USP6NL: variants seen among roughly 807,000 people sequenced by gnomAD.
USP6NL encodes USP6 N-terminal-like protein.
A neutral mutation model predicts 61.9 loss-of-function variants in USP6NL; 26 were observed. The ratio of observed to expected loss-of-function variants is 0.42; its 90% confidence interval spans 0.31 to 0.58. USP6NL has a LOEUF of 0.58. Among genes scored for constraint, USP6NL ranks in the 20% least tolerant of loss-of-function variants. The pLI, the probability that USP6NL is intolerant of heterozygous loss-of-function variation, is 0.16. For synonymous variants in USP6NL, 432 were observed against 390.1 expected (o/e 1.11, Z -1.27); for missense variants, 1,114 against 1,034.3 (o/e 1.08, Z -1.06).
Position 11,555,451 on chromosome 10 carries a change from T to TAGAG in USP6NL, c.5-27888_5-27885dup, listed in dbSNP as rs71477267. On this transcript the variant is annotated intron_variant, in intron 2 of 14. Transcript: ENST00000609104. ...AAAAAAAAATATATATATATATATATAGAGAGAGAGAGAGAGAGAAAGAGA... is the reference window on the plus strand; with the variant it reads ...AAAAAAAAATATATATATATATATATAGAGAGAGAGAGAGAGAGAGAGAAAGAGA... 6.3e-3 allele frequency among the ~76,000 whole-genome samples: 384 copies of TAGAG among 60,960 alleles called. 11 individuals are homozygous for TAGAG. The highest frequency in any genetic ancestry group is 0.012 in the African/African-American group (144 of 11,806). The allele number at this position is 60,960 out of a possible 152,430, so 40.0% of individuals were successfully genotyped here.
intron 2 of USP6NL, among the ~76,000 whole-genome samples, chr10:11,566,612 A>G (rs1002335012): frequency 6.6e-6 from 1 of 152,238 alleles, no homozygotes; most frequent in African/African-American, 2.4e-5. Context: ...CTGGCTATAC[A>G]ATCTATCCAA....
At chr10:11,464,327 C>T (rs367661095) in intron 14 of USP6NL, among the ~76,000 whole-genome samples, 37 of 152,326 alleles carry the variant, frequency 2.4e-4, no homozygotes, top group African/African-American at 7.5e-4. Flanking sequence ...TGTGGTACTA[C>T]TGAATGATGT....
chr10:11,551,165 A>C (rs2133488737), intron 2 of USP6NL, among the ~76,000 whole-genome samples: 1 of 152,374 alleles, frequency 6.6e-6, no homozygotes, highest in East Asian at 1.9e-4. Flanking sequence ...TTTATTTATA[A>C]AAATTTTTAT....
At chr10:11,523,360 A>T (rs973911424) in intron 4 of USP6NL, among the ~76,000 whole-genome samples, 6 of 152,222 alleles carry the variant, frequency 3.9e-5, no homozygotes, top group African/African-American at 7.2e-5. Context: ...AAATCACTGG[A>T]TCCACATTTG....
chr10:11,593,339 T>C (rs1051159049), intron 2 of USP6NL, among the ~76,000 whole-genome samples: 2 of 152,248 alleles, frequency 1.3e-5, no homozygotes, highest in African/African-American at 4.8e-5. Context: ...TTTGGTGTTT[T>C]CACTTAGTTT....
rs191534375 is a variant in USP6NL at position 11,466,029 on chromosome 10, G to A, written c.1079-2180C>T. ...CAACTGGGCAAAGCAAATGTGGAAG[G>A]TAGACACAGGCAGTAACAACCCTAT... is the stretch of plus-strand genomic sequence containing the variant. On this transcript the variant is annotated intron_variant, in intron 14 of 14. Transcript: ENST00000609104. 1.4e-3 allele frequency among the ~76,000 whole-genome samples: 213 copies of A among 152,250 alleles called. 1 individual carries two copies. The highest frequency in any genetic ancestry group is 5.0e-3 in the African/African-American group (209 of 41,546).
intron 2 of USP6NL, among the ~76,000 whole-genome samples, chr10:11,557,909 C>T (rs969875169): frequency 6.6e-6 from 1 of 152,064 alleles, no homozygotes; most frequent in Non-Finnish European, 1.5e-5. Context: ...GCAAGATAAC[C>T]AGCTGAAAAT....
intron 2 of USP6NL, among the ~76,000 whole-genome samples, chr10:11,580,867 T>TGATGGATGGATG (rs112761648): frequency 0.056 from 8,350 of 149,818 alleles, 274 homozygotes; most frequent in South Asian, 0.092. Context: ...AACGGATAGA[T>TGATGGATGGATG]GATGGATGGA....
At position 11,553,890 on chromosome 10, in the gene USP6NL, C is replaced by CT. The variant is rs1219530691; in HGVS notation, c.5-26324_5-26323insA. 2.9e-5 allele frequency among the ~76,000 whole-genome samples: 4 copies of CT among 138,076 alleles called. No individual in the cohort carries two copies. Among genetic ancestry groups the CT allele is most frequent in the Admixed American group, 7.1e-5 (1 of 14,086 alleles). 90.6% of individuals were successfully genotyped at this position (138,076 alleles called of 152,430 possible). A position where few individuals can be genotyped will look rare whatever the true frequency, so the allele number is the denominator to read the frequency against. ...TGGGCAACAGAGTAAGACTCCATCTCAAAAAAAAAAAAAAGCAAGATTAAA... is the reference window on the plus strand; with the variant it reads ...TGGGCAACAGAGTAAGACTCCATCTCTAAAAAAAAAAAAAAGCAAGATTAAA... On this transcript the variant is annotated intron_variant, in intron 2 of 14. Transcript: ENST00000609104. The surrounding 1 kb of genome is among the most constrained non-coding windows in gnomAD (Gnocchi z 4.8).
intron 6 of USP6NL, among the ~76,000 whole-genome samples, chr10:11,502,484 TTAAA>T (rs1011463323): frequency 1.1e-4 from 16 of 152,164 alleles, no homozygotes; most frequent in Admixed American, 2.0e-4. Context: ...AGGGAAATAA[TTAAA>T]TAAATTATAG....
rs1299896263 is a variant in USP6NL at position 11,525,876 on chromosome 10, C to T, written c.73-408G>A. ...CTTTTTTGCCTTTTTATGCAAACTC[C>T]TTAGAGAAGCAGGCAGAGAAGCTCC... On this transcript the variant is annotated intron_variant, in intron 3 of 14. Coordinates refer to ENST00000609104, the MANE Select transcript of USP6NL (RefSeq NM_014688.5). The surrounding 1 kb of genome is among the most constrained non-coding windows in gnomAD (Gnocchi z 5.0). 6.6e-6 allele frequency among the ~76,000 whole-genome samples: 1 copy of T among 152,220 alleles called. No individual in the cohort carries two copies. Among genetic ancestry groups the T allele is most frequent in the Non-Finnish European group, 1.5e-5 (1 of 68,038 alleles).
chr10:11,580,553 T>G (rs74903724), intron 2 of USP6NL, among the ~76,000 whole-genome samples: 15,092 of 152,142 alleles, frequency 0.099, 1,199 homozygotes, highest in East Asian at 0.43. Flanking sequence ...TTAAAAAAAT[T>G]GCATTCTAGA....
rs925736323 is a variant in USP6NL, at chr10:11,492,583, C to T, written c.494+536G>A. Among the ~76,000 whole-genome samples, 13 of 152,334 alleles carry T rather than the reference C, an allele frequency of 8.5e-5. 1 individual carries two copies. In the Middle Eastern group the frequency reaches 0.017, roughly 199 times the overall value. On this transcript the variant is annotated intron_variant, in intron 8 of 14. Coordinates refer to ENST00000609104, the MANE Select transcript of USP6NL (RefSeq NM_014688.5). Reference sequence around the variant, plus strand: ...TTTGGCCTTGCCTAATCAGCCCCGACAGCTGGAGAAGCCAATACCTTGAAA... The same window carrying T: ...TTTGGCCTTGCCTAATCAGCCCCGATAGCTGGAGAAGCCAATACCTTGAAA...
At chr10:11,504,603 T>C (rs192520135) in intron 6 of USP6NL, among the ~76,000 whole-genome samples, 114 of 152,390 alleles carry the variant, frequency 7.5e-4, no homozygotes, top group African/African-American at 2.5e-3. Flanking sequence ...AAGTGATAGC[T>C]GGTTGTCCTC....
At position 11,561,118 on chromosome 10, in the gene USP6NL, G is replaced by A. The variant is rs1836915605; in HGVS notation, c.5-33551C>T. 6.6e-6 allele frequency among the ~76,000 whole-genome samples: 1 copy of A among 152,120 alleles called. No individual in the cohort carries two copies. On this transcript the variant is annotated intron_variant, in intron 2 of 14. Transcript: ENST00000609104. This position sits in a 1 kb window ranked among gnomAD's most constrained non-coding sequence, Gnocchi z 4.1. ...ACATTTAGTATACTCTATGTCATAG[G>A]ACGGTAAAATTACATTTTAAGTAGT...
chr10:11,576,833 G>T (rs1227595875), intron 2 of USP6NL, among the ~76,000 whole-genome samples: 1 of 152,012 alleles, frequency 6.6e-6, no homozygotes, highest in Non-Finnish European at 1.5e-5. Flanking sequence ...GCTACTTTTG[G>T]CTCTTTATCT....
chr10:11,537,331 C>T lies in USP6NL; in HGVS notation c.5-9764G>A, dbSNP rs540892353. Reference sequence around the variant, plus strand: ...TTTGCCATGTTGCCCTGGCTGGTCTCGAACTCCTGGGCTGGGGCAATCCAC... The same window carrying T: ...TTTGCCATGTTGCCCTGGCTGGTCTTGAACTCCTGGGCTGGGGCAATCCAC... On this transcript the variant is annotated intron_variant, in intron 2 of 14. Coordinates refer to ENST00000609104, the MANE Select transcript of USP6NL (RefSeq NM_014688.5). This position sits in a 1 kb window ranked among gnomAD's most constrained non-coding sequence, Gnocchi z 5.1. Among the ~76,000 whole-genome samples, 1 of 152,206 alleles carries T rather than the reference C, an allele frequency of 6.6e-6. No individual in the cohort carries two copies. The highest frequency in any genetic ancestry group is 1.5e-5 in the Non-Finnish European group (1 of 68,018).
rs543840765 is a variant in USP6NL at position 11,561,244 on chromosome 10, T to C, written c.5-33677A>G. On this transcript the variant is annotated intron_variant, in intron 2 of 14. Coordinates refer to ENST00000609104, the MANE Select transcript of USP6NL (RefSeq NM_014688.5). The surrounding 1 kb of genome is among the most constrained non-coding windows in gnomAD (Gnocchi z 4.1). ...TAACTGAACACTTAATTCATGCTTA[T>C]AAAATATTCAAGCAATACAGAAATG... Among the ~76,000 whole-genome samples the C allele has an allele frequency of 1.6e-4, 24 of 152,294 alleles. No homozygotes were observed. Among genetic ancestry groups the C allele is most frequent in the African/African-American group, 5.8e-4 (24 of 41,572 alleles).
chr10:11,467,557 A>G (rs913858490), intron 14 of USP6NL, among the ~76,000 whole-genome samples: 1 of 152,248 alleles, frequency 6.6e-6, no homozygotes, highest in Non-Finnish European at 1.5e-5. Context: ...AGTAACAATT[A>G]TGAAACAAAA....
Sources: allele counts gnomAD v4.1 joint callset (sites outside exome capture counted in the v4.1 genomes callset), GRCh38; gene constraint gnomAD v4.1.1; non-coding constraint Gnocchi (gnomAD v3.1); transcripts MANE v1.5; gene names NCBI Gene and HGNC (gene_info 2026-07-23, HGNC 2026-07-21).